ZNF732: variants seen among roughly 807,000 people sequenced by gnomAD.
ZNF732 encodes the protein zinc finger protein 732, also known as zinc finger protein LOC654254.
Under a neutral mutation model 11.5 loss-of-function variants are expected in ZNF732, and 12 were observed. That is an observed-to-expected ratio of 1.05 (90% CI 0.67 to 1.70). The LOEUF (loss-of-function observed/expected upper bound fraction) is 1.70, where lower values mean the gene tolerates loss of function less well. Among genes scored for constraint, ZNF732 ranks in the 40% most tolerant of loss-of-function variants. ZNF732 has a pLI of 0.00. For synonymous variants in ZNF732, 231 were observed against 236.5 expected, an observed-to-expected ratio of 0.98 and a Z score of 0.21; for missense variants, 702 against 676.9, an observed-to-expected ratio of 1.04 and a Z score of -0.41.
chr4:284,849 C>A (rs1461266657), intron 3 of ZNF732, among the ~76,000 whole-genome samples: 1 of 133,408 alleles, frequency 7.5e-6, no homozygotes, highest in South Asian at 2.3e-4. Context: ...CCAGCCCGGG[C>A]CACAGAGTGA....
At chr4:273,671 C>A (rs1407069715) in intron 3 of ZNF732, among the ~76,000 whole-genome samples, 1 of 151,820 alleles carries the variant, frequency 6.6e-6, no homozygotes, top group African/African-American at 2.4e-5. Flanking sequence ...CAAACTTCAA[C>A]AAGGTTACAC....
chr4:286,934 C>T (rs782178869), intron 3 of ZNF732, among the ~76,000 whole-genome samples: 7 of 152,114 alleles, frequency 4.6e-5, no homozygotes, highest in African/African-American at 1.7e-4. Flanking sequence ...GGGCGGATCA[C>T]GGGGTCAGGA....
chr4:289,347 C>T (rs1553841053), intron 3 of ZNF732, among the ~76,000 whole-genome samples: 1 of 152,248 alleles, frequency 6.6e-6, no homozygotes, highest in African/African-American at 2.4e-5. Context: ...TCCTTTGAAA[C>T]TGGTAAGGTT....
rs554366454 is a variant in ZNF732, at chr4:270,954, A to C, written c.*145T>G. On this transcript the variant is annotated 3_prime_UTR_variant, in exon 4 of 4. Coordinates refer to ENST00000419098, the MANE Select transcript of ZNF732 (RefSeq NM_001137608.3). Reference sequence around the variant, plus strand: ...ATTTGTAGGGTTTTTCTCCAGTATGAATTCTTACTTTCATTCAGGGTTGTG... The same window carrying C: ...ATTTGTAGGGTTTTTCTCCAGTATGCATTCTTACTTTCATTCAGGGTTGTG... 1.2e-6 allele frequency: 1 copy of C among 817,736 alleles called. No homozygotes were observed. Among genetic ancestry groups the C allele is most frequent in the East Asian group, 2.6e-5 (1 of 38,036 alleles). The allele number at this position is 817,736 out of a possible 1,614,324, so 50.7% of individuals were successfully genotyped here.
At chr4:299,184 C>T (rs1720025976) in intron 1 of ZNF732, among the ~76,000 whole-genome samples, 1 of 151,690 alleles carries the variant, frequency 6.6e-6, no homozygotes, top group Non-Finnish European at 1.5e-5. Context: ...AAGATTCTCT[C>T]ATGGAGGCTC....
chr4:305,078 G>A (rs1436778238), intron 1 of ZNF732, among the ~76,000 whole-genome samples: 2 of 152,214 alleles, frequency 1.3e-5, no homozygotes, highest in Admixed American at 6.5e-5. Context: ...ACAGCCCAGG[G>A]AAGGTGCGGG....
intron 1 of ZNF732, among the ~76,000 whole-genome samples, chr4:299,472 T>TATAC (rs1560165326): frequency 2.5e-5 from 2 of 80,948 alleles, no homozygotes; most frequent in African/African-American, 1.0e-4. Flanking sequence ...TATATATATA[T>TATAC]ACACATATAT....
intron 3 of ZNF732, among the ~76,000 whole-genome samples, chr4:276,432 C>G (rs1274659151): frequency 6.6e-6 from 1 of 151,832 alleles, no homozygotes; most frequent in Non-Finnish European, 1.5e-5. Flanking sequence ...CTGCTCCTTC[C>G]TATTCAGTAT....
At chr4:303,421 A>G (rs1442417187) in intron 1 of ZNF732, among the ~76,000 whole-genome samples, 1 of 152,218 alleles carries the variant, frequency 6.6e-6, no homozygotes, top group East Asian at 1.9e-4. Context: ...GTTCGAGACC[A>G]GCCTGGCCAA....
Position 295,453 on chromosome 4 carries a change from C to T in ZNF732, c.211G>A (p.Val71Ile). Residue 71 changes from valine (V) to isoleucine (I), a missense_variant, in exon 3 of 4, where the codon GTA (valine) becomes ATA (isoleucine). Val to Ile is a conservative substitution (Grantham distance 29, BLOSUM62 3). This residue lies in a region of ZNF732 where 596 missense variants were observed against 557.9 expected (regional missense o/e 1.07). Transcript: ENST00000419098. The stretch of plus-strand genomic sequence containing the variant: ...TGTCACCTACCTGGGTGTTTGGCTA[C>T]TGTCTCATGTATCTTCACTTTGTAG... ...EPYKVKIHET[V>I]AKHPAVCSHF... 6.2e-7 allele frequency: 1 copy of T among 1,608,160 alleles called. No homozygotes were observed. Among genetic ancestry groups the T allele is most frequent in the Non-Finnish European group, 8.5e-7 (1 of 1,176,994 alleles).
At chr4:289,052 A>G (rs782508215) in intron 3 of ZNF732, among the ~76,000 whole-genome samples, 2 of 152,244 alleles carry the variant, frequency 1.3e-5, no homozygotes, top group South Asian at 4.1e-4. Context: ...GTTTCTCAGG[A>G]GGCCCCAAAA....
chr4:299,508 C>T (rs138735623), intron 1 of ZNF732, among the ~76,000 whole-genome samples: 1,249 of 64,796 alleles, frequency 0.019, 127 homozygotes, highest in African/African-American at 0.059. Context: ...TATATACACA[C>T]ATATACGTAT....
At chr4:288,467 A>G (rs555376138) in intron 3 of ZNF732, among the ~76,000 whole-genome samples, 1 of 152,222 alleles carries the variant, frequency 6.6e-6, no homozygotes, top group Non-Finnish European at 1.5e-5. Flanking sequence ...ATGTGGATAC[A>G]GAGTATTCCA....
chr4:277,615 TAGTG>T (rs145913822), intron 3 of ZNF732, among the ~76,000 whole-genome samples: 2,446 of 151,856 alleles, frequency 0.016, 61 homozygotes, highest in African/African-American at 0.055. Context: ...AAAAAAATGT[TAGTG>T]AGAATGAATA....
At chr4:276,526 A>G (rs1553838702) in intron 3 of ZNF732, among the ~76,000 whole-genome samples, 1 of 151,912 alleles carries the variant, frequency 6.6e-6, no homozygotes, top group Non-Finnish European at 1.5e-5. Context: ...AGTTTCTTAA[A>G]TCACAAAGAC....
At chr4:301,570 G>C (rs1397514353) in intron 1 of ZNF732, among the ~76,000 whole-genome samples, 2 of 152,164 alleles carry the variant, frequency 1.3e-5, no homozygotes, top group South Asian at 2.1e-4. Context: ...CCTTTGTAGG[G>C]ACATGGATGA....
intron 3 of ZNF732, among the ~76,000 whole-genome samples, chr4:288,136 T>A (rs1382715694): frequency 6.6e-6 from 1 of 152,236 alleles, no homozygotes; most frequent in African/African-American, 2.4e-5. Context: ...TTTTTGGAAT[T>A]GTTTATTCTG....
At chr4:299,495 G>GTATATATGTGTA (rs1720059069) in intron 1 of ZNF732, among the ~76,000 whole-genome samples, 2 of 49,696 alleles carry the variant, frequency 4.0e-5, no homozygotes, top group Admixed American at 2.5e-4. Context: ...ACATATGTGT[G>GTATATATGTGTA]TATATATACA....
At chr4:286,673 C>T (rs2108656381) in intron 3 of ZNF732, among the ~76,000 whole-genome samples, 1 of 152,220 alleles carries the variant, frequency 6.6e-6, no homozygotes, top group South Asian at 2.1e-4. Context: ...AATGGACAAC[C>T]TGTTAGAATG....
Sources: gnomAD v4.1 joint callset for allele counts (sites outside exome capture counted in the v4.1 genomes callset) on GRCh38, gnomAD v4.1.1 for gene constraint, gnomAD v4.1.1 regional missense constraint, MANE v1.5 for transcripts, NCBI Gene and HGNC (gene_info 2026-07-23, HGNC 2026-07-21) for gene names.